CELF4: variants seen among roughly 807,000 people sequenced by gnomAD.
CELF4 encodes the protein CUGBP Elav-like family member 4.
CELF4 carries 18 observed loss-of-function variants against 59.9 expected under a neutral mutation model. The ratio of observed to expected loss-of-function variants is 0.30; its 90% CI spans 0.21 to 0.45. The LOEUF (loss-of-function observed/expected upper bound fraction) is 0.45. CELF4 is among the 20% of genes least tolerant of loss of function. CELF4 has a pLI of 1.00. For synonymous variants in CELF4, 261 were observed against 267.1 expected (o/e 0.98, Z 0.22); for missense variants, 456 against 689.0 (o/e 0.66, Z 3.79).
intron 1 of CELF4, among the ~76,000 whole-genome samples, chr18:37,505,246 G>T (rs539048506): frequency 4.3e-4 from 65 of 152,364 alleles, no homozygotes; most frequent in African/African-American, 1.4e-3. Context: ...CCTGGTGACT[G>T]GGGCCAGCCA....
chr18:37,385,657 T>C (rs1461693319), intron 2 of CELF4, among the ~76,000 whole-genome samples: 1 of 151,994 alleles, frequency 6.6e-6, no homozygotes, highest in Non-Finnish European at 1.5e-5. Context: ...GCCTTGGGCA[T>C]GGAGCCAGCC....
chr18:37,489,766 C>A (rs1056096404), intron 1 of CELF4, among the ~76,000 whole-genome samples: 2 of 152,208 alleles, frequency 1.3e-5, no homozygotes, highest in East Asian at 3.8e-4. Flanking sequence ...GAGCAGCTGC[C>A]TAACAACACA....
intron 2 of CELF4, among the ~76,000 whole-genome samples, chr18:37,451,543 ATGTGTG>A (rs1043165575): frequency 8.6e-5 from 13 of 151,812 alleles, no homozygotes; most frequent in Admixed American, 2.0e-4. Context: ...GTGTGTATGT[ATGTGTG>A]TGTGTGTCTG....
Position 37,246,348 on chromosome 18 carries a change from CA to C in CELF4, c.*45-1152del, listed in dbSNP as rs1194963500. On this transcript the variant is annotated intron_variant, in intron 12 of 12. Transcript: ENST00000420428. This position sits in a 1 kb window ranked among gnomAD's most constrained non-coding sequence, Gnocchi z 5.3. The stretch of plus-strand genomic sequence containing the variant: ...TCAAGGACCCTTTTTCAGTTGTAAA[CA>C]AAAAGGTGCATTTTGCTTTTGTTAG... 2.0e-5 allele frequency among the ~76,000 whole-genome samples: 3 copies of C among 151,970 alleles called. No individual in the cohort carries two copies. The highest frequency in any genetic ancestry group is 4.4e-5 in the Non-Finnish European group (3 of 67,986).
intron 2 of CELF4, among the ~76,000 whole-genome samples, chr18:37,397,880 C>G (rs147414756): frequency 6.6e-6 from 1 of 152,048 alleles, no homozygotes; most frequent in South Asian, 2.1e-4. Flanking sequence ...GTGGAGTGGG[C>G]GGGGGCAAGG....
At chr18:37,539,318 A>G (rs1041838864) in intron 1 of CELF4, among the ~76,000 whole-genome samples, 6 of 152,194 alleles carry the variant, frequency 3.9e-5, no homozygotes, top group African/African-American at 1.4e-4. Context: ...CACTTGCCTA[A>G]GGTCACCCAG....
At chr18:37,487,617 G>A (rs1215958594) in intron 1 of CELF4, among the ~76,000 whole-genome samples, 5 of 152,090 alleles carry the variant, frequency 3.3e-5, no homozygotes, top group East Asian at 3.9e-4. Flanking sequence ...TGCTTCTCCC[G>A]GGGGCGTCTT....
intron 2 of CELF4, among the ~76,000 whole-genome samples, chr18:37,394,170 C>G (rs2154579441): frequency 6.6e-6 from 1 of 152,260 alleles, no homozygotes; most frequent in East Asian, 1.9e-4. Flanking sequence ...CCATAGCAAC[C>G]GAGCTGTGAC....
At chr18:37,344,532 G>A (rs146494510) in intron 2 of CELF4, among the ~76,000 whole-genome samples, 10 of 152,396 alleles carry the variant, frequency 6.6e-5, no homozygotes, top group Admixed American at 1.3e-4. Context: ...TATAGCAAGA[G>A]AAACTACAGG....
chr18:37,457,560 CA>C (rs2099781764), intron 2 of CELF4, among the ~76,000 whole-genome samples: 1 of 152,160 alleles, frequency 6.6e-6, no homozygotes, highest in Non-Finnish European at 1.5e-5. Flanking sequence ...CTCCAGAGAT[CA>C]AGGGTCAGCC....
chr18:37,526,297 G>T (rs1307342102), intron 1 of CELF4, among the ~76,000 whole-genome samples: 1 of 152,236 alleles, frequency 6.6e-6, no homozygotes, highest in Non-Finnish European at 1.5e-5. Context: ...CTGCATTTGC[G>T]TGGCTGTGAG....
intron 1 of CELF4, among the ~76,000 whole-genome samples, chr18:37,531,313 G>T (rs529391441): frequency 2.6e-5 from 4 of 152,098 alleles, no homozygotes; most frequent in Non-Finnish European, 5.9e-5. Flanking sequence ...GCCCCCCAAG[G>T]TCCCTTGAGG....
intron 2 of CELF4, among the ~76,000 whole-genome samples, chr18:37,374,288 G>A (rs960927395): frequency 3.3e-5 from 5 of 152,212 alleles, no homozygotes; most frequent in South Asian, 2.1e-4. Flanking sequence ...TGCACCCAGC[G>A]AGTTTGGGGT....
chr18:37,273,566 T>C lies in CELF4; in HGVS notation c.802-403A>G, dbSNP rs2241945. ...GGTTTCTGTCCAGAATGGTTTTAAT[T>C]TGGAGTCTGTTGGTAGAAGTGACAG... is the stretch of plus-strand genomic sequence containing the variant. On this transcript the variant is annotated intron_variant, in intron 6 of 12. Coordinates refer to ENST00000420428, the MANE Select transcript of CELF4 (RefSeq NM_020180.4). 3.5e-5 allele frequency: 35 copies of C among 994,676 alleles called. No homozygotes were observed. The East Asian group carries it at 3.3e-3, about 93-fold the overall frequency. The allele number at this position is 994,676 out of a possible 1,614,324, so 61.6% of individuals were successfully genotyped here.
chr18:37,472,125 G>C (rs1162888427), intron 2 of CELF4, among the ~76,000 whole-genome samples: 1 of 152,244 alleles, frequency 6.6e-6, no homozygotes, highest in East Asian at 1.9e-4. Context: ...GGCCTCATGT[G>C]GGGGATTGTG....
At chr18:37,559,174 C>T (rs1011070744) in intron 1 of CELF4, among the ~76,000 whole-genome samples, 1 of 152,122 alleles carries the variant, frequency 6.6e-6, no homozygotes, top group Admixed American at 6.5e-5. Context: ...AGGACAGCAT[C>T]ATTCTTTCCA....
chr18:37,523,181 T>C (rs1434321039), intron 1 of CELF4, among the ~76,000 whole-genome samples: 1 of 152,036 alleles, frequency 6.6e-6, no homozygotes, highest in African/African-American at 2.4e-5. Flanking sequence ...CAATAGTCTA[T>C]ATCTGATGAG....
At chr18:37,460,590 T>C (rs936589064) in intron 2 of CELF4, among the ~76,000 whole-genome samples, 2 of 152,238 alleles carry the variant, frequency 1.3e-5, no homozygotes, top group African/African-American at 4.8e-5. Context: ...TAGATATGTC[T>C]CACTGTTGGC....
At chr18:37,302,746 G>T (rs1441732130) in intron 3 of CELF4, among the ~76,000 whole-genome samples, 1 of 152,228 alleles carries the variant, frequency 6.6e-6, no homozygotes, top group Admixed American at 6.5e-5. Context: ...TGTTCTGAAA[G>T]TCAGACTTTC....
Sources: gnomAD v4.1 joint callset for allele counts (sites outside exome capture counted in the v4.1 genomes callset) on GRCh38, gnomAD v4.1.1 for gene constraint, Gnocchi (gnomAD v3.1) non-coding constraint, MANE v1.5 for transcripts, NCBI Gene and HGNC (gene_info 2026-07-23, HGNC 2026-07-21) for gene names.